Variants in RASA1 observed in about 807,000 individuals in gnomAD.
The protein encoded by RASA1 is ras GTPase-activating protein 1.
RASA1 carries 25 observed loss-of-function variants against 132.2 expected under a neutral mutation model. The ratio of observed to expected loss-of-function variants is 0.19; its 90% CI spans 0.14 to 0.26. The LOEUF is 0.26. RASA1 is among the 10% of genes least tolerant of loss of function. The pLI is 1.00. For missense variants in RASA1, 964 were observed against 1,299.2 expected (o/e 0.74, Z 3.97); for synonymous variants, 477 against 449.9 (o/e 1.06, Z -0.76).
rs942880274 is a variant in RASA1, at chr5:87,331,048, A to T, written c.540-300A>T. On this transcript the variant is annotated intron_variant, in intron 1 of 24. Transcript: ENST00000274376. The stretch of plus-strand genomic sequence containing the variant: ...TTCTAAGTAAAGATCTGGTTGCAGT[A>T]GTGTTTATATTTTGAATAGCAGGCA... The T allele has an allele frequency of 3.2e-6, 4 of 1,254,546 alleles. No homozygotes were observed. The African/African-American group carries it at 4.6e-5, about 14-fold the overall frequency. The allele number at this position is 1,254,546 out of a possible 1,614,324, so 77.7% of individuals were successfully genotyped here.
chr5:87,356,797 A>G (rs1487408671), intron 9 of RASA1, among the ~76,000 whole-genome samples: 1 of 152,206 alleles, frequency 6.6e-6, no homozygotes, highest in Non-Finnish European at 1.5e-5. Flanking sequence ...CTGCGAAACC[A>G]AAAAATTCAT....
chr5:87,339,427 C>T (rs2112392692), intron 5 of RASA1, among the ~76,000 whole-genome samples: 1 of 152,286 alleles, frequency 6.6e-6, no homozygotes, highest in East Asian at 1.9e-4. Flanking sequence ...AAGCATCTTA[C>T]TATGATAGTT....
At chr5:87,383,192 ATTC>A (rs1461536025) in intron 20 of RASA1, among the ~76,000 whole-genome samples, 3 of 152,154 alleles carry the variant, frequency 2.0e-5, no homozygotes, top group Non-Finnish European at 4.4e-5. Flanking sequence ...AGTGCAATGG[ATTC>A]TTATTTTTAT....
chr5:87,269,015 A>G (rs1753701950), intron 1 of RASA1, 25 bp downstream of exon 1: 4 of 1,614,156 alleles, frequency 2.5e-6, no homozygotes, highest in South Asian at 2.2e-5. Context: ...CTGTTCAGGA[A>G]TTTGGGAAGC....
chr5:87,313,049 T>C (rs1756038119), intron 1 of RASA1, among the ~76,000 whole-genome samples: 1 of 152,204 alleles, frequency 6.6e-6, no homozygotes, highest in African/African-American at 2.4e-5. Context: ...GGATGGGGGC[T>C]GAACAGGCGT....
At chr5:87,363,250 AAATT>A (rs878910754) in intron 10 of RASA1, 94 bp from the exon 11 acceptor site, 27 of 1,140,734 alleles carry the variant, frequency 2.4e-5, no homozygotes, top group South Asian at 2.1e-4. Context: ...TTTGGAATAA[AAATT>A]GATTGATTCA....
chr5:87,304,510 C>T (rs1755519366), intron 1 of RASA1, among the ~76,000 whole-genome samples: 1 of 151,236 alleles, frequency 6.6e-6, no homozygotes, highest in African/African-American at 2.4e-5. Context: ...CTCTGTTGCC[C>T]AGGCCGGAGT....
At position 87,268,297 on chromosome 5, in the gene RASA1, G is replaced by A; in HGVS notation, c.-155G>A. ...GAGCCTGGGCTGTGGCCCTAGGAGG[G>A]GGCGCGGCGGCGGGCTCTCTCCTTT... On this transcript the variant is annotated 5_prime_UTR_variant, in exon 1 of 25. Transcript: ENST00000274376. 9.2e-7 allele frequency: 1 copy of A among 1,086,780 alleles called. No homozygotes were observed. Among genetic ancestry groups the A allele is most frequent in the Non-Finnish European group, 1.3e-6 (1 of 783,680 alleles). The allele number at this position is 1,086,780 out of a possible 1,614,324, so 67.3% of individuals were successfully genotyped here.
intron 6 of RASA1, among the ~76,000 whole-genome samples, 197 bp from the exon 7 acceptor site, chr5:87,346,475 G>C (rs1758868093): frequency 6.6e-6 from 1 of 151,690 alleles, no homozygotes; most frequent in Non-Finnish European, 1.5e-5. Flanking sequence ...ATAGTTTCTA[G>C]TTTTACTATC....
rs756801441 is a variant in RASA1 at position 87,383,687 on chromosome 5, A to AG, written c.2691-26_2691-25insG. 1.9e-6 allele frequency: 3 copies of AG among 1,591,320 alleles called. No individual in the cohort carries two copies. The South Asian group carries it at 3.4e-5, about 18-fold the overall frequency. On this transcript the variant is annotated intron_variant, in intron 20 of 24. Transcript: ENST00000274376. ...TTATATAGGTGTTTTCTAAAAAAAAAAAAAAAAAATTTCCCTCCCATTCAG... is the reference window on the plus strand; with the variant it reads ...TTATATAGGTGTTTTCTAAAAAAAAAGAAAAAAAAATTTCCCTCCCATTCAG...
In RASA1 at chr5:87,271,452, C is replaced by CTTTTTTTTT. The variant is rs201918763; in HGVS notation, c.539+2486_539+2494dup. ...AAAAAAAACTGTTTTTAGTAGACTT[C>CTTTTTTTTT]TTTTTTTTTTTTTTTTTTTTTTTTT... On this transcript the variant is annotated intron_variant, in intron 1 of 24. Transcript: ENST00000274376. Among the ~76,000 whole-genome samples the CTTTTTTTTT allele has an allele frequency of 9.4e-4, 36 of 38,216 alleles. 5 individuals are homozygous for CTTTTTTTTT. The highest frequency in any genetic ancestry group is 2.1e-3 in the African/African-American group (18 of 8,670). 25.1% of individuals were successfully genotyped at this position (38,216 alleles called of 152,430 possible).
At chr5:87,348,342 T>C (rs1759011532) in intron 7 of RASA1, among the ~76,000 whole-genome samples, 1 of 152,028 alleles carries the variant, frequency 6.6e-6, no homozygotes, top group African/African-American at 2.4e-5. Flanking sequence ...TGTGCTTTCC[T>C]AAAAACAATC....
chr5:87,335,459 CTT>C (rs1390451382), intron 4 of RASA1, among the ~76,000 whole-genome samples: 28 of 102,830 alleles, frequency 2.7e-4, no homozygotes, highest in African/African-American at 1.0e-3. Context: ...CAGTTTCGCT[CTT>C]GTCACCCAGG....
At chr5:87,312,853 A>G (rs916455654) in intron 1 of RASA1, among the ~76,000 whole-genome samples, 3 of 152,224 alleles carry the variant, frequency 2.0e-5, no homozygotes, top group Non-Finnish European at 4.4e-5. Context: ...ATCTTTCGCT[A>G]TCAGAGAAAA....
At chr5:87,306,390 C>A (rs887947225) in intron 1 of RASA1, among the ~76,000 whole-genome samples, 2 of 152,156 alleles carry the variant, frequency 1.3e-5, no homozygotes, top group African/African-American at 4.8e-5. Context: ...ATACTGCATG[C>A]TCTCACTTAT....
At chr5:87,269,308 C>G in intron 1 of RASA1, 1 of 1,535,844 alleles carries the variant, frequency 6.5e-7, no homozygotes, top group Non-Finnish European at 8.7e-7. Flanking sequence ...AGAATTTAGT[C>G]AAACTGCGGC....
At chr5:87,383,679 A>T (rs1761880442) in intron 20 of RASA1, 34 bp from the exon 21 acceptor site, 4 of 192,726 alleles carry the variant, frequency 2.1e-5, no homozygotes, top group Non-Finnish European at 9.3e-6. Flanking sequence ...GGTGTTTTCT[A>T]AAAAAAAAAA....
At chr5:87,301,084 T>C (rs2079982166) in intron 1 of RASA1, among the ~76,000 whole-genome samples, 1 of 152,108 alleles carries the variant, frequency 6.6e-6, no homozygotes, top group African/African-American at 2.4e-5. Context: ...CATTTGGCAG[T>C]ATTGGGGGGT....
chr5:87,285,086 T>TTTATTTATTTA (rs1561254719), intron 1 of RASA1, among the ~76,000 whole-genome samples: 1 of 119,160 alleles, frequency 8.4e-6, no homozygotes. Flanking sequence ...TTATTTATTT[T>TTTATTTATTTA]GAGATGGAGT....
Sources: allele counts gnomAD v4.1 joint callset (sites outside exome capture counted in the v4.1 genomes callset), GRCh38; gene constraint gnomAD v4.1.1; transcripts MANE v1.5; gene names NCBI Gene and HGNC (gene_info 2026-07-23, HGNC 2026-07-21).